STEAP3: variants seen among roughly 807,000 people sequenced by gnomAD.
The protein encoded by STEAP3 is metalloreductase STEAP3.
STEAP3 carries 35 observed loss-of-function variants against 34.9 expected under a neutral mutation model. The observed-to-expected ratio is 1.00, with a 90% confidence interval of 0.76 to 1.33. The LOEUF (loss-of-function observed/expected upper bound fraction) is 1.33. Ranked by LOEUF, STEAP3 falls within the 40% of genes most tolerant of loss-of-function variation. The pLI, the probability that STEAP3 is intolerant of heterozygous loss-of-function variation, is 0.00. For missense variants in STEAP3, 652 were observed against 667.6 expected, an observed-to-expected ratio of 0.98 and a Z score of 0.26; for synonymous variants, 281 against 301.6, an observed-to-expected ratio of 0.93 and a Z score of 0.71.
intron 5 of STEAP3, among the ~76,000 whole-genome samples, chr2:119,260,534 G>C (rs527454947): frequency 6.6e-6 from 1 of 152,134 alleles, no homozygotes; most frequent in South Asian, 2.1e-4. Flanking sequence ...AACCTCAGGT[G>C]ATCTGCCCGC....
chr2:119,227,553 CTCTGCCT>C (rs1679080068), intron 1 of STEAP3, among the ~76,000 whole-genome samples: 2 of 152,348 alleles, frequency 1.3e-5, no homozygotes, highest in Admixed American at 1.3e-4. Flanking sequence ...CTTACTCCAT[CTCTGCCT>C]TCTGCTTAAT....
intron 2 of STEAP3, among the ~76,000 whole-genome samples, chr2:119,239,628 T>A (rs1262464036): frequency 6.6e-6 from 1 of 152,188 alleles, no homozygotes; most frequent in African/African-American, 2.4e-5. Flanking sequence ...TGCAGGCCCC[T>A]CTTTCTGAAG....
At chr2:119,261,954 C>T (rs919068000) in intron 5 of STEAP3, among the ~76,000 whole-genome samples, 6 of 152,182 alleles carry the variant, frequency 3.9e-5, no homozygotes, top group Admixed American at 1.3e-4. Context: ...TCTCTTCTCC[C>T]AACGGTCACT....
At chr2:119,237,223 G>A (rs1186329584) in intron 2 of STEAP3, among the ~76,000 whole-genome samples, 1 of 152,166 alleles carries the variant, frequency 6.6e-6, no homozygotes, top group Non-Finnish European at 1.5e-5. Flanking sequence ...GCCAGCAAGG[G>A]CCCAGCAGAG....
At chr2:119,258,754 C>A (rs894295795) in intron 5 of STEAP3, among the ~76,000 whole-genome samples, 1 of 150,068 alleles carries the variant, frequency 6.7e-6, no homozygotes, top group Admixed American at 6.6e-5. Flanking sequence ...ACTACAGGCG[C>A]CCGGCACCAC....
rs750824808 is a variant in STEAP3, at chr2:119,263,212, C to T, written c.1371C>T (p.Ala457=). The T allele has an allele frequency of 6.2e-7, 1 of 1,614,166 alleles. No homozygotes were observed. The highest frequency in any genetic ancestry group is 1.1e-5 in the South Asian group (1 of 91,080). The change falls in exon 6 of 6, where the codon GCC becomes GCT. Residue 457 remains alanine, a synonymous_variant. Coordinates refer to ENST00000393110, the MANE Select transcript of STEAP3 (RefSeq NM_182915.3). ...CCTGCGTCGTCATCCTGGCCAAAGC[C>T]CTGTTTCTCCTGCCCTGCATCAGCC... ...LVPCVVILAK[A]LFLLPCISRR... is the part of the protein sequence containing the mutation.
intron 2 of STEAP3, among the ~76,000 whole-genome samples, chr2:119,241,665 G>A (rs1319937212): frequency 1.3e-5 from 2 of 152,176 alleles, no homozygotes; most frequent in African/African-American, 4.8e-5. Flanking sequence ...CCCAGCGCCA[G>A]TTAGGGGCAG....
At chr2:119,262,304 A>G (rs1162039624) in intron 5 of STEAP3, among the ~76,000 whole-genome samples, 1 of 152,034 alleles carries the variant, frequency 6.6e-6, no homozygotes, top group African/African-American at 2.4e-5. Context: ...TCTAATATAC[A>G]TTAAAATACA....
chr2:119,246,218 C>G (rs1677422783), intron 3 of STEAP3: 1 of 583,508 alleles, frequency 1.7e-6, no homozygotes, highest in Non-Finnish European at 2.9e-6. Context: ...ATCTGAAACC[C>G]ATGTTCTTTC....
At chr2:119,232,414 C>G (rs1676970384) in intron 2 of STEAP3, among the ~76,000 whole-genome samples, 1 of 152,206 alleles carries the variant, frequency 6.6e-6, no homozygotes, top group African/African-American at 2.4e-5. Flanking sequence ...CCCGACTTCG[C>G]CTCGCTGGCA....
At chr2:119,248,265 C>T (rs1330411140) in intron 4 of STEAP3, 59 bp downstream of exon 4, 3 of 400,162 alleles carry the variant, frequency 7.5e-6, no homozygotes, top group Non-Finnish European at 1.1e-5. Context: ...TCCAGCACCT[C>T]CCCCCCCCAC....
intron 2 of STEAP3, among the ~76,000 whole-genome samples, chr2:119,236,837 G>T (rs1677107300): frequency 6.6e-6 from 1 of 152,134 alleles, no homozygotes; most frequent in African/African-American, 2.4e-5. Context: ...CCAGCACTTG[G>T]CACACACACA....
intron 2 of STEAP3, 113 bp from the exon 3 acceptor site, chr2:119,245,376 C>T (rs942713016): frequency 1.3e-5 from 19 of 1,460,276 alleles, no homozygotes; most frequent in Non-Finnish European, 1.6e-5. Context: ...TCGGTGAACA[C>T]CTGCTGGGTG....
At chr2:119,235,620 A>G (rs775560090) in intron 2 of STEAP3, among the ~76,000 whole-genome samples, 4 of 152,164 alleles carry the variant, frequency 2.6e-5, no homozygotes, top group Admixed American at 6.5e-5. Flanking sequence ...CTCAAGTTTG[A>G]CCTGATGTGT....
At chr2:119,247,498 A>G (rs1404805857) in intron 3 of STEAP3, among the ~76,000 whole-genome samples, 181 bp from the exon 4 acceptor site, 1 of 152,200 alleles carries the variant, frequency 6.6e-6, no homozygotes. Context: ...CCTGGGCAGC[A>G]GAGAAAAGAC....
In STEAP3 at chr2:119,243,795, T is replaced by C. The variant is rs140924409; in HGVS notation, c.23-1694T>C. On this transcript the variant is annotated intron_variant, in intron 2 of 5. Transcript: ENST00000393110. ...TGTCTGAAGACACACAGCTGCTTCA[T>C]AGCAGAGCCGGGCCCAGCCTCCTGG... is the stretch of plus-strand genomic sequence containing the variant. Among the ~76,000 whole-genome samples the C allele has an allele frequency of 3.2e-3, 488 of 152,348 alleles. 2 individuals carry two copies. The highest frequency in any genetic ancestry group is 0.011 in the African/African-American group (458 of 41,570).
At chr2:119,224,345 A>G (rs909062955) in intron 1 of STEAP3, among the ~76,000 whole-genome samples, 4 of 152,150 alleles carry the variant, frequency 2.6e-5, no homozygotes, top group Admixed American at 2.0e-4. Flanking sequence ...GCAGCCGAAC[A>G]GGGCAGGGAC....
intron 1 of STEAP3, among the ~76,000 whole-genome samples, chr2:119,228,228 C>A (rs995904688): frequency 1.3e-5 from 2 of 152,126 alleles, no homozygotes; most frequent in African/African-American, 2.4e-5. Flanking sequence ...TAACAGTATA[C>A]CCCCAGTCAG....
intron 2 of STEAP3, 27 bp downstream of exon 2, chr2:119,231,061 AG>A: frequency 6.2e-7 from 1 of 1,614,040 alleles, no homozygotes; most frequent in Non-Finnish European, 8.5e-7. Context: ...CGCAGATCCA[AG>A]GGGGCATGGG....
Sources: gnomAD v4.1 joint callset for allele counts (sites outside exome capture counted in the v4.1 genomes callset) on GRCh38, gnomAD v4.1.1 for gene constraint, MANE v1.5 for transcripts, NCBI Gene and HGNC (gene_info 2026-07-23, HGNC 2026-07-21) for gene names.